Variants in SS18 observed in about 807,000 individuals in gnomAD.
SS18 encodes SS18 subunit of BAF chromatin remodeling complex.
Under a neutral mutation model 72.5 loss-of-function variants are expected in SS18, and 28 were observed. The observed-to-expected ratio is 0.39, with a 90% CI of 0.29 to 0.53. SS18 has a LOEUF of 0.53. Ranked by LOEUF, SS18 falls within the 20% of genes least tolerant of loss-of-function variation. The pLI is 0.76. For missense variants in SS18, 518 were observed against 535.3 expected (o/e 0.97, Z 0.32); for synonymous variants, 172 against 164.2 (o/e 1.05, Z -0.37).
intron 3 of SS18, among the ~76,000 whole-genome samples, chr18:26,060,771 CAAAA>C (rs60999827): frequency 0.019 from 732 of 39,280 alleles, 7 homozygotes; most frequent in African/African-American, 0.044. Flanking sequence ...CTAAAAATAC[CAAAA>C]AAAAAAAAAA....
intron 3 of SS18, among the ~76,000 whole-genome samples, chr18:26,060,668 T>C (rs1337538121): frequency 6.8e-6 from 1 of 148,006 alleles, no homozygotes; most frequent in African/African-American, 2.5e-5. Flanking sequence ...CTCATGCCTG[T>C]AATCCTAGCA....
In SS18 at chr18:26,050,973, T is replaced by C. The variant is rs535794054; in HGVS notation, c.607+1651A>G. 2.1e-3 allele frequency among the ~76,000 whole-genome samples: 322 copies of C among 152,248 alleles called. 3 individuals carry two copies. Among genetic ancestry groups the C allele is most frequent in the Middle Eastern group, 6.8e-3 (2 of 294 alleles). ...TCAATGATTTTAACCATATTTTCTT[T>C]TTGAAAATTGTCTTTAATCTCTTCA... On this transcript the variant is annotated intron_variant, in intron 5 of 10. Transcript: ENST00000415083.
At chr18:26,069,417 T>C (rs2054273976) in intron 3 of SS18, among the ~76,000 whole-genome samples, 2 of 151,244 alleles carry the variant, frequency 1.3e-5, no homozygotes, top group South Asian at 2.1e-4. Context: ...GGCAGATAAA[T>C]TTAAGGTTCT....
intron 3 of SS18, among the ~76,000 whole-genome samples, chr18:26,075,534 T>C (rs1598604899): frequency 6.6e-6 from 1 of 151,946 alleles, no homozygotes; most frequent in East Asian, 1.9e-4. Flanking sequence ...TTAACATCCA[T>C]TCAACATATA....
intron 1 of SS18, among the ~76,000 whole-genome samples, chr18:26,089,296 TGAG>T (rs1417206024): frequency 6.6e-6 from 1 of 152,208 alleles, no homozygotes; most frequent in Non-Finnish European, 1.5e-5. Flanking sequence ...CAGTTTTGCG[TGAG>T]TGCGTACTTG....
intron 7 of SS18, 152 bp from the exon 8 acceptor site, chr18:26,036,075 ATG>A: frequency 1.5e-6 from 1 of 661,016 alleles, no homozygotes; most frequent in Non-Finnish European, 2.6e-6. Flanking sequence ...AGATTTACCA[ATG>A]TGATTGTTTT....
chr18:26,061,244 C>T (rs1161431615), intron 3 of SS18, among the ~76,000 whole-genome samples: 1 of 150,208 alleles, frequency 6.7e-6, no homozygotes, highest in Admixed American at 6.6e-5. Context: ...ACTCAGGAGG[C>T]GAAGGCTGCA....
intron 2 of SS18, among the ~76,000 whole-genome samples, chr18:26,080,706 G>C (rs1042154498): frequency 6.6e-6 from 1 of 152,096 alleles, no homozygotes; most frequent in Non-Finnish European, 1.5e-5. Context: ...CAATAGCAAA[G>C]TCTTGTATAT....
intron 1 of SS18, among the ~76,000 whole-genome samples, chr18:26,088,330 A>T (rs1287550367): frequency 1.3e-5 from 2 of 152,226 alleles, no homozygotes; most frequent in Admixed American, 1.3e-4. Context: ...GAATGAAATA[A>T]ATACATGAAA....
chr18:26,074,918 C>T (rs763669695), intron 3 of SS18, among the ~76,000 whole-genome samples: 1 of 151,846 alleles, frequency 6.6e-6, no homozygotes, highest in Non-Finnish European at 1.5e-5. Flanking sequence ...ATTATCACTA[C>T]AGACAGTGTT....
Position 26,090,227 on chromosome 18 carries a change from C to T in SS18, c.69+274G>A, listed in dbSNP as rs115081560. The T allele has an allele frequency of 3.5e-3, 1,720 of 488,966 alleles. 23 individuals are homozygous for T. The highest frequency in any genetic ancestry group is 0.033 in the African/African-American group (1,591 of 48,680). The allele number at this position is 488,966 out of a possible 1,614,324, so 30.3% of individuals were successfully genotyped here. A position where few individuals can be genotyped will look rare whatever the true frequency, so the allele number is the denominator to read the frequency against. On this transcript the variant is annotated intron_variant, in intron 1 of 10. Coordinates refer to ENST00000415083, the MANE Select transcript of SS18 (RefSeq NM_001007559.3). Reference sequence around the variant, plus strand: ...CGCACGCGCCCCGCAGCCCGAACGCCGCCCCATCCCTAGAGAAATCAGGCG... The same window carrying T: ...CGCACGCGCCCCGCAGCCCGAACGCTGCCCCATCCCTAGAGAAATCAGGCG...
At chr18:26,083,233 A>G (rs911855609) in intron 2 of SS18, among the ~76,000 whole-genome samples, 1 of 151,922 alleles carries the variant, frequency 6.6e-6, no homozygotes, top group Non-Finnish European at 1.5e-5. Flanking sequence ...ATCTAATCCA[A>G]TATGTAGAGA....
At chr18:26,068,664 C>G (rs1453915733) in intron 3 of SS18, 1 of 152,102 alleles carries the variant, frequency 6.6e-6, no homozygotes, top group Non-Finnish European at 1.5e-5. Flanking sequence ...ATCATCTTTA[C>G]TAAAGCGTGT....
intron 5 of SS18, among the ~76,000 whole-genome samples, chr18:26,047,601 G>A (rs12961505): frequency 0.056 from 8,440 of 151,956 alleles, 271 homozygotes; most frequent in East Asian, 0.13. Flanking sequence ...CAGCACTTTG[G>A]GAGGCCAAGG....
chr18:26,039,250 AATTAC>A, intron 6 of SS18, 34 bp downstream of exon 6: 2 of 1,542,736 alleles, frequency 1.3e-6, no homozygotes, highest in Admixed American at 3.5e-5. Context: ...AAAGCCTTTC[AATTAC>A]ATTAAGTAGC....
intron 3 of SS18, among the ~76,000 whole-genome samples, chr18:26,062,379 TGAA>T (rs945219174): frequency 6.6e-6 from 1 of 152,174 alleles, no homozygotes; most frequent in Admixed American, 6.5e-5. Context: ...AATATTTTAA[TGAA>T]GAATATTTTA....
At chr18:26,089,237 T>G (rs73403598) in intron 1 of SS18, among the ~76,000 whole-genome samples, 2,443 of 152,238 alleles carry the variant, frequency 0.016, 51 homozygotes, top group African/African-American at 0.055. Context: ...AGAAAAACTC[T>G]GGACTTTTCC....
intron 10 of SS18, among the ~76,000 whole-genome samples, chr18:26,024,959 T>C (rs1415047529): frequency 0.049 from 5 of 102 alleles, no homozygotes; most frequent in South Asian, 0.5. Context: ...TGTTAAAGGA[T>C]GAAAAATTAT....
intron 10 of SS18, among the ~76,000 whole-genome samples, chr18:26,029,488 A>G (rs775070623): frequency 2.6e-5 from 4 of 152,194 alleles, no homozygotes; most frequent in Non-Finnish European, 5.9e-5. Flanking sequence ...GGAGACTGTG[A>G]AAAATGGCTA....
Sources: allele counts gnomAD v4.1 joint callset (sites outside exome capture counted in the v4.1 genomes callset), GRCh38; gene constraint gnomAD v4.1.1; transcripts MANE v1.5; gene names NCBI Gene and HGNC (gene_info 2026-07-23, HGNC 2026-07-21).